The following CTNNA3 variants were observed in gnomAD, a reference collection of about 807,000 sequenced individuals.
The protein encoded by CTNNA3 is catenin alpha 3, also known as catenin alpha-3.
A neutral mutation model predicts 95.7 loss-of-function variants in CTNNA3; 76 were observed. The observed-to-expected ratio is 0.79, with a 90% CI of 0.66 to 0.96. The LOEUF (loss-of-function observed/expected upper bound fraction) is 0.96. CTNNA3 is among the 40% of genes least tolerant of loss of function. The pLI is 0.00. For missense variants in CTNNA3, 1,191 were observed against 1,089.8 expected (o/e 1.09, Z -1.31); for synonymous variants, 431 against 374.4 (o/e 1.15, Z -1.74).
chr10:67,037,374 A>AAAAAAAG (rs1854125360), intron 7 of CTNNA3, among the ~76,000 whole-genome samples: 1 of 132,674 alleles, frequency 7.5e-6, no homozygotes, highest in East Asian at 2.0e-4. Context: ...AATCTAAAAA[A>AAAAAAAG]AAAAAAGAAA....
chr10:67,463,756 T>A (rs1847470162), intron 5 of CTNNA3, among the ~76,000 whole-genome samples: 1 of 152,238 alleles, frequency 6.6e-6, no homozygotes, highest in Non-Finnish European at 1.5e-5. Flanking sequence ...ATAGTCTCTC[T>A]TGTGAATATT....
chr10:66,047,568 A>G (rs544261566), intron 15 of CTNNA3, among the ~76,000 whole-genome samples: 1 of 152,332 alleles, frequency 6.6e-6, no homozygotes, highest in African/African-American at 2.4e-5. Context: ...GAAAACCAGC[A>G]CAAGACAAAT....
At chr10:66,518,472 C>T (rs1840940862) in intron 11 of CTNNA3, among the ~76,000 whole-genome samples, 1 of 152,004 alleles carries the variant, frequency 6.6e-6, no homozygotes, top group African/African-American at 2.4e-5. Flanking sequence ...AGTCAAATTA[C>T]AAAAGGCTTT....
chr10:66,146,932 A>C (rs968821095), intron 13 of CTNNA3, among the ~76,000 whole-genome samples: 1 of 152,200 alleles, frequency 6.6e-6, no homozygotes, highest in Non-Finnish European at 1.5e-5. Flanking sequence ...TTGTTGAAAT[A>C]ATATGAAAAG....
At chr10:66,888,655 C>T (rs1327460126) in intron 7 of CTNNA3, among the ~76,000 whole-genome samples, 1 of 151,794 alleles carries the variant, frequency 6.6e-6, no homozygotes, top group Non-Finnish European at 1.5e-5. Context: ...TAGAGAAATG[C>T]AAATTAAAAC....
At chr10:66,688,863 A>C (rs997025006) in intron 9 of CTNNA3, among the ~76,000 whole-genome samples, 1 of 151,496 alleles carries the variant, frequency 6.6e-6, no homozygotes, top group African/African-American at 2.4e-5. Flanking sequence ...AATCCCAGCT[A>C]CTGAGGAGGC....
chr10:66,274,462 A>G (rs187780327), intron 13 of CTNNA3, among the ~76,000 whole-genome samples: 1 of 152,292 alleles, frequency 6.6e-6, no homozygotes, highest in Non-Finnish European at 1.5e-5. Flanking sequence ...AATAAAAGAG[A>G]ACCTCCATAC....
At chr10:67,703,948 G>T (rs1373178729) in intron 1 of CTNNA3, among the ~76,000 whole-genome samples, 3 of 152,152 alleles carry the variant, frequency 2.0e-5, no homozygotes, top group Non-Finnish European at 4.4e-5. Context: ...GAAAATCAAT[G>T]TACAAAAATC....
chr10:67,746,952 A>G (rs1373865127), intron 1 of CTNNA3, among the ~76,000 whole-genome samples: 1 of 152,154 alleles, frequency 6.6e-6, no homozygotes, highest in African/African-American at 2.4e-5. Flanking sequence ...GGTGCTGGGG[A>G]AACTGGATGG....
At position 67,270,233 on chromosome 10, in the gene CTNNA3, G is replaced by T. The variant is rs143742636; in HGVS notation, c.580-50363C>A. 9.6e-4 allele frequency among the ~76,000 whole-genome samples: 146 copies of T among 151,894 alleles called. 1 individual carries two copies. Among genetic ancestry groups the T allele is most frequent in the East Asian group, 9.1e-3 (47 of 5,150 alleles). On this transcript the variant is annotated intron_variant, in intron 5 of 17. Transcript: ENST00000433211. ...ATTATCTTTCTAGAGAATCTATTAG[G>T]ATAGGCACATCTATTCGCATCTTGA... is the stretch of plus-strand genomic sequence containing the variant.
At chr10:67,712,842 C>G (rs1003154396) in intron 1 of CTNNA3, among the ~76,000 whole-genome samples, 7 of 152,086 alleles carry the variant, frequency 4.6e-5, no homozygotes, top group African/African-American at 9.7e-5. Context: ...TAGAAAAAAA[C>G]CTAGGCAATA....
intron 7 of CTNNA3, among the ~76,000 whole-genome samples, chr10:66,907,487 T>C (rs545430568): frequency 3.3e-5 from 5 of 152,194 alleles, no homozygotes; most frequent in Non-Finnish European, 7.4e-5. Context: ...ACAACTGTAT[T>C]GAAAGGGTTG....
At chr10:67,726,657 T>TAA (rs1564841400) in intron 1 of CTNNA3, among the ~76,000 whole-genome samples, 7 of 82,616 alleles carry the variant, frequency 8.5e-5, no homozygotes, top group South Asian at 3.5e-4. Context: ...CTATAATATA[T>TAA]TATATATTAT....
At chr10:67,132,740 T>C (rs1049740258) in intron 7 of CTNNA3, among the ~76,000 whole-genome samples, 2 of 151,956 alleles carry the variant, frequency 1.3e-5, no homozygotes, top group Non-Finnish European at 2.9e-5. Context: ...TATTCAGCCA[T>C]AAAGGAAAAT....
At chr10:66,309,836 G>T (rs1378109316) in intron 12 of CTNNA3, among the ~76,000 whole-genome samples, 5 of 150,756 alleles carry the variant, frequency 3.3e-5, no homozygotes, top group Non-Finnish European at 5.9e-5. Flanking sequence ...AAGGTGGGCG[G>T]ATCAGGAAGT....
chr10:67,158,642 A>G (rs1433110086), intron 7 of CTNNA3, among the ~76,000 whole-genome samples: 1 of 152,200 alleles, frequency 6.6e-6, no homozygotes, highest in Non-Finnish European at 1.5e-5. Context: ...CCCTGAAGCC[A>G]TGTTTAAAAA....
At chr10:66,210,505 C>T (rs1003226703) in intron 13 of CTNNA3, among the ~76,000 whole-genome samples, 3 of 151,904 alleles carry the variant, frequency 2.0e-5, no homozygotes, top group Non-Finnish European at 4.4e-5. Flanking sequence ...AGAAAGACTT[C>T]CTTTATAGCA....
At chr10:67,467,688 GTTTC>G (rs1192142665) in intron 5 of CTNNA3, among the ~76,000 whole-genome samples, 3 of 151,638 alleles carry the variant, frequency 2.0e-5, no homozygotes, top group South Asian at 2.1e-4. Context: ...GTGACTGTAA[GTTTC>G]TTTATTTTAT....
chr10:66,309,906 AAAATAAATAAATAAATAAATAAATAAAT>A (rs140451350), intron 12 of CTNNA3, among the ~76,000 whole-genome samples: 3 of 135,850 alleles, frequency 2.2e-5, no homozygotes, highest in South Asian at 2.4e-4. Context: ...AAAGATACAA[AAAATAAATAAATAAATAAATAAATAAAT>A]AAATAAATAA....
Sources: gnomAD v4.1 joint callset for allele counts (sites outside exome capture counted in the v4.1 genomes callset) on GRCh38, gnomAD v4.1.1 for gene constraint, MANE v1.5 for transcripts, NCBI Gene and HGNC (gene_info 2026-07-23, HGNC 2026-07-21) for gene names.